Variants in MYO3B observed in about 807,000 individuals in gnomAD.
MYO3B encodes the protein myosin IIIB.
MYO3B carries 156 observed loss-of-function variants against 174.6 expected under a neutral mutation model. The observed-to-expected ratio is 0.89, with a 90% confidence interval of 0.78 to 1.02. The LOEUF (loss-of-function observed/expected upper bound fraction) is 1.02, where lower values mean the gene tolerates loss of function less well. Ranked by LOEUF, MYO3B falls within the 50% of genes least tolerant of loss-of-function variation. The probability of loss-of-function intolerance (pLI) is 0.00; values close to 1 mark genes in which losing one functional copy is unlikely to be tolerated. For synonymous variants in MYO3B, 563 were observed against 569.1 expected, an observed-to-expected ratio of 0.99 and a Z score of 0.15; for missense variants, 1,632 against 1,639.4, an observed-to-expected ratio of 1.00 and a Z score of 0.08.
chr2:170,420,577 A>G (rs1302355099), intron 22 of MYO3B, among the ~76,000 whole-genome samples: 1 of 152,136 alleles, frequency 6.6e-6, no homozygotes, highest in Non-Finnish European at 1.5e-5. Flanking sequence ...TGATACAGAG[A>G]GTCCCTTATG....
intron 32 of MYO3B, among the ~76,000 whole-genome samples, chr2:170,579,079 G>A (rs1351947269): frequency 2.0e-5 from 3 of 152,170 alleles, no homozygotes; most frequent in Non-Finnish European, 4.4e-5. Flanking sequence ...AGCAATAGAA[G>A]TATAATTCTT....
chr2:170,342,594 G>A (rs985527810), intron 8 of MYO3B, among the ~76,000 whole-genome samples: 1 of 152,140 alleles, frequency 6.6e-6, no homozygotes, highest in Non-Finnish European at 1.5e-5. Context: ...GGCTAGAGTA[G>A]TATCGCTGTG....
intron 8 of MYO3B, among the ~76,000 whole-genome samples, chr2:170,336,940 C>T (rs958946178): frequency 3.2e-4 from 49 of 151,708 alleles, no homozygotes; most frequent in African/African-American, 1.1e-3. Flanking sequence ...TCAAAGACCC[C>T]TGCTAAGAAA....
chr2:170,180,260 G>C, intron 1 of MYO3B: 1 of 338,326 alleles, frequency 3.0e-6, no homozygotes, highest in Non-Finnish European at 6.4e-6. Flanking sequence ...GGTTGTTAAG[G>C]AACTAAAACT....
At chr2:170,462,876 G>A (rs1282057213) in intron 23 of MYO3B, among the ~76,000 whole-genome samples, 3 of 151,488 alleles carry the variant, frequency 2.0e-5, no homozygotes, top group Non-Finnish European at 4.4e-5. Context: ...TATCTGCAAT[G>A]AGCACATGGG....
intron 32 of MYO3B, among the ~76,000 whole-genome samples, chr2:170,649,396 T>TAAATATATA (rs1244719994): frequency 3.2e-5 from 4 of 123,716 alleles, no homozygotes; most frequent in African/African-American, 1.2e-4. Flanking sequence ...TATAAAAATA[T>TAAATATATA]AAAATATAAA....
chr2:170,597,759 T>C (rs542277272), intron 32 of MYO3B, among the ~76,000 whole-genome samples: 1 of 152,356 alleles, frequency 6.6e-6, no homozygotes, highest in East Asian at 1.9e-4. Context: ...TAATAATATC[T>C]ATTATTAGTG....
intron 23 of MYO3B, among the ~76,000 whole-genome samples, chr2:170,450,477 C>A (rs937006893): frequency 6.6e-6 from 1 of 152,096 alleles, no homozygotes; most frequent in Non-Finnish European, 1.5e-5. Context: ...GACCTGTACT[C>A]TGATAGAGAG....
chr2:170,350,506 G>A (rs2094057247), intron 8 of MYO3B: 1 of 152,134 alleles, frequency 6.6e-6, no homozygotes, highest in Non-Finnish European at 1.5e-5. Flanking sequence ...CAGAAAGATT[G>A]AAGAGAAGCC....
chr2:170,421,646 C>T (rs1465290773), intron 22 of MYO3B, among the ~76,000 whole-genome samples: 1 of 152,164 alleles, frequency 6.6e-6, no homozygotes, highest in Admixed American at 6.6e-5. Context: ...CCCTCTTCTG[C>T]CCTTGTCTTG....
chr2:170,197,558 T>C (rs567643409), intron 1 of MYO3B, among the ~76,000 whole-genome samples: 1 of 152,332 alleles, frequency 6.6e-6, no homozygotes, highest in Non-Finnish European at 1.5e-5. Flanking sequence ...ATTGCTGGTA[T>C]ATTTTGATTT....
chr2:170,640,486 A>C (rs1697879164), intron 32 of MYO3B: 2 of 152,150 alleles, frequency 1.3e-5, no homozygotes, highest in Admixed American at 1.3e-4. Context: ...TCCCACCCCA[A>C]CACACGTTTC....
chr2:170,379,524 A>G (rs1469985267), intron 9 of MYO3B, among the ~76,000 whole-genome samples: 1 of 152,112 alleles, frequency 6.6e-6, no homozygotes, highest in Non-Finnish European at 1.5e-5. Flanking sequence ...CTTCAAGCAA[A>G]ATTATTCTTA....
chr2:170,323,676 A>G (rs2093845068), intron 7 of MYO3B, among the ~76,000 whole-genome samples: 1 of 152,218 alleles, frequency 6.6e-6, no homozygotes, highest in Non-Finnish European at 1.5e-5. Context: ...AGACTTGTTT[A>G]TCTTCCTCAT....
Position 170,253,491 on chromosome 2 carries a change from A to G in MYO3B, c.749+17355A>G, listed in dbSNP as rs570749253. ...TATCATCTGAGTGGTGACATTGAGT[A>G]TGCAGTTGATACAAGTCTGGAGTTC... On this transcript the variant is annotated intron_variant, in intron 7 of 34. Transcript: ENST00000408978. 4.6e-5 allele frequency among the ~76,000 whole-genome samples: 7 copies of G among 152,322 alleles called. No homozygotes were observed. The South Asian group carries it at 1.2e-3, about 27-fold the overall frequency.
At chr2:170,435,044 C>T (rs1251629777) in intron 22 of MYO3B, among the ~76,000 whole-genome samples, 3 of 152,244 alleles carry the variant, frequency 2.0e-5, no homozygotes, top group Admixed American at 2.0e-4. Context: ...GTGTTATAAA[C>T]TGAAATTGGA....
intron 7 of MYO3B, among the ~76,000 whole-genome samples, chr2:170,320,482 G>A (rs907482572): frequency 2.6e-5 from 4 of 152,172 alleles, no homozygotes; most frequent in African/African-American, 9.7e-5. Flanking sequence ...CTCATTTTGT[G>A]AGAAATAGAT....
At chr2:170,633,373 A>G (rs545597970) in intron 32 of MYO3B, among the ~76,000 whole-genome samples, 97 of 152,332 alleles carry the variant, frequency 6.4e-4, no homozygotes, top group African/African-American at 2.2e-3. Flanking sequence ...AGAAAACCAC[A>G]TGATTATCTC....
chr2:170,598,455 C>A (rs1035207566), intron 32 of MYO3B, among the ~76,000 whole-genome samples: 1 of 152,224 alleles, frequency 6.6e-6, no homozygotes, highest in African/African-American at 2.4e-5. Flanking sequence ...CCGAAAAGAT[C>A]ATTTATTTTG....
Sources: gnomAD v4.1 joint callset for allele counts (sites outside exome capture counted in the v4.1 genomes callset) on GRCh38, gnomAD v4.1.1 for gene constraint, MANE v1.5 for transcripts, NCBI Gene and HGNC (gene_info 2026-07-23, HGNC 2026-07-21) for gene names.